The following ZNF814 variants were observed in gnomAD, a reference collection of about 807,000 sequenced individuals.
ZNF814 encodes zinc finger protein 814.
A neutral mutation model predicts 7.5 loss-of-function variants in ZNF814; 5 were observed. That is an observed-to-expected ratio of 0.67 (90% CI 0.35 to 1.40). The LOEUF is 1.40. ZNF814 is among the 40% of genes most tolerant of loss of function. The probability of loss-of-function intolerance (pLI) is 0.04; values close to 1 mark genes in which losing one functional copy is unlikely to be tolerated. For missense variants in ZNF814, 962 were observed against 1,018.0 expected (o/e 0.94, Z 0.75); for synonymous variants, 315 against 340.7 (o/e 0.92, Z 0.83).
At chr19:57,894,600 C>T in the ZNF814 span, among the ~76,000 whole-genome samples, 11 of 151,528 alleles carry the variant, frequency 7.3e-5, no homozygotes, top group South Asian at 2.1e-4. Context: ...GAGGCTGAGA[C>T]GGGCAGATCA....
rs2071545670 is a variant in ZNF814 at position 57,870,230 on chromosome 19, C to G, written c.*2592G>C. The G allele has an allele frequency of 6.6e-6, 1 of 152,050 alleles. No homozygotes were observed. Among genetic ancestry groups the G allele is most frequent in the South Asian group, 2.1e-4 (1 of 4,824 alleles). 9.4% of individuals were successfully genotyped at this position (152,050 alleles called of 1,614,324 possible). On this transcript the variant is annotated 3_prime_UTR_variant, in exon 3 of 3. Coordinates refer to ENST00000435989, the MANE Select transcript of ZNF814 (RefSeq NM_001144989.2). Reference sequence around the variant, plus strand: ...ACTCCATCCAGCCTGGGCAACAGAGCAAGACTCCGTCTCAAAATAAATAAT... The same window carrying G: ...ACTCCATCCAGCCTGGGCAACAGAGGAAGACTCCGTCTCAAAATAAATAAT...
At position 57,873,772 on chromosome 19, in the gene ZNF814, G is replaced by C; in HGVS notation, c.1618C>G (p.Gln540Glu). ...TAAAGTCTGTCCCCAGTGTGAATTT[G>C]CTGATGGTTCCTAAGATGTCCTTTT... is the stretch of plus-strand genomic sequence containing the variant. ...SSKGHLRNHQ[Q>E]IHTGDRLYEC... Residue 540 changes from glutamine to glutamate, a missense_variant, in exon 3 of 3, where the codon CAA becomes GAA. By Grantham distance (29) the Gln-to-Glu change is conservative (BLOSUM62 2). Around this residue, in one of 7 missense-constraint regions of ZNF814, gnomAD observed 665 missense variants for 551.4 expected, o/e 1.21. Transcript: ENST00000435989. The C allele has an allele frequency of 6.2e-7, 1 of 1,613,772 alleles. No homozygotes were observed. The highest frequency in any genetic ancestry group is 1.1e-5 in the South Asian group (1 of 91,034).
At position 57,872,395 on chromosome 19, in the gene ZNF814, A is replaced by G. The variant is rs2071563360; in HGVS notation, c.*427T>C. On this transcript the variant is annotated 3_prime_UTR_variant, in exon 3 of 3. Coordinates refer to ENST00000435989, the MANE Select transcript of ZNF814 (RefSeq NM_001144989.2). ...TGTTATGAAGCTAGATTTCTACATA[A>G]ATATCTCACATGTCACACTGGTAAG... The G allele has an allele frequency of 1.3e-5, 3 of 226,674 alleles. No homozygotes were observed. The highest frequency in any genetic ancestry group is 2.6e-5 in the Non-Finnish European group (3 of 115,682). 14.0% of individuals were successfully genotyped at this position (226,674 alleles called of 1,614,324 possible).
the ZNF814 span, among the ~76,000 whole-genome samples, chr19:57,903,785 T>C: frequency 6.6e-6 from 1 of 152,230 alleles, no homozygotes; most frequent in Admixed American, 6.5e-5. Context: ...AAGCCGCTTC[T>C]GGAGAGAAAG....
chr19:57,883,774 T>C (rs1234753089), intron 1 of ZNF814, among the ~76,000 whole-genome samples: 1 of 152,102 alleles, frequency 6.6e-6, no homozygotes, highest in East Asian at 1.9e-4. Context: ...ATTTTTTTTT[T>C]TGAGATGAAG....
At position 57,874,179 on chromosome 19, in the gene ZNF814, T is replaced by C. The variant is rs1399225345; in HGVS notation, c.1211A>G (p.Asp404Gly). 2 of 1,584,380 alleles carry C rather than the reference T, an allele frequency of 1.3e-6. No homozygotes were observed. The highest frequency in any genetic ancestry group is 1.7e-4 in the Middle Eastern group (1 of 6,020). Reference protein sequence around the residue: ...SFSNHQRVHTDKKHYECGECG... With the variant: ...SFSNHQRVHTGKKHYECGECG... Reference sequence around the variant, plus strand: ...TTCTCCACATTCATAATGTTTTTTGTCAGTGTGAACTCTCTGATGATTACT... The same window carrying C: ...TTCTCCACATTCATAATGTTTTTTGCCAGTGTGAACTCTCTGATGATTACT... Residue 404 changes from aspartate (D) to glycine (G), a missense_variant, in exon 3 of 3, where the codon GAC (aspartate) becomes GGC (glycine). Physicochemically the swap from Asp to Gly is moderately conservative, Grantham distance 94 (BLOSUM62 -1). Coordinates refer to ENST00000435989, the MANE Select transcript of ZNF814 (RefSeq NM_001144989.2).
chr19:57,883,530 G>A (rs2071665636), intron 1 of ZNF814, among the ~76,000 whole-genome samples: 2 of 151,426 alleles, frequency 1.3e-5, no homozygotes, highest in Non-Finnish European at 2.9e-5. Flanking sequence ...ATGTGGTAGT[G>A]CACACCTGTA....
the ZNF814 span, among the ~76,000 whole-genome samples, chr19:57,897,276 G>A: frequency 6.6e-6 from 1 of 152,128 alleles, no homozygotes; most frequent in Admixed American, 6.5e-5. Context: ...ATGGCATTGG[G>A]GGTAACTTAC....
chr19:57,888,216 G>C (rs2071709237), intron 1 of ZNF814, among the ~76,000 whole-genome samples: 1 of 152,108 alleles, frequency 6.6e-6, no homozygotes, highest in Non-Finnish European at 1.5e-5. Context: ...TTGCTATATT[G>C]ACTGACTTGG....
rs1484252208 is a variant in ZNF814 at position 57,873,802 on chromosome 19, T to G, written c.1588A>C (p.Ser530Arg). ...TGGTTCCTAAGATGTCCTTTTGAAC[T>G]AAATGATTTCCCACATTCTCCACAC... The part of the protein sequence containing the change: ...YECGECGKSF[S>R]SKGHLRNHQQ... The change falls in exon 3 of 3, where the codon AGT becomes CGT. Residue 530 changes from serine to arginine, a missense_variant. By Grantham distance (110) the Ser-to-Arg change is moderately radical (BLOSUM62 -1). Coordinates refer to ENST00000435989, the MANE Select transcript of ZNF814 (RefSeq NM_001144989.2). The G allele has an allele frequency of 6.2e-7, 1 of 1,614,136 alleles. No individual in the cohort carries two copies. Among genetic ancestry groups the G allele is most frequent in the South Asian group, 1.1e-5 (1 of 91,060 alleles).
rs2071716847 is a variant in ZNF814, at chr19:57,888,988, C to CCTAG, written c.-190_-187dup. 2 of 620,202 alleles carry CCTAG rather than the reference C, an allele frequency of 3.2e-6. No homozygotes were observed. Among genetic ancestry groups the CCTAG allele is most frequent in the Non-Finnish European group, 5.6e-6 (2 of 355,676 alleles). The allele number at this position is 620,202 out of a possible 1,614,324, so 38.4% of individuals were successfully genotyped here. A position where few individuals can be genotyped will look rare whatever the true frequency, so the allele number is the denominator to read the frequency against. On this transcript the variant is annotated 5_prime_UTR_variant, in exon 1 of 3. Coordinates refer to ENST00000435989, the MANE Select transcript of ZNF814 (RefSeq NM_001144989.2). Reference sequence around the variant, plus strand: ...CTGGGTTCAGTCACCACAGTGCGGACCTAGCGCTCAGGAGCCTCTCCTACA... The same window carrying CCTAG: ...CTGGGTTCAGTCACCACAGTGCGGACCTAGCTAGCGCTCAGGAGCCTCTCCTACA...
chr19:57,898,671 C>A, the ZNF814 span, among the ~76,000 whole-genome samples: 1 of 152,180 alleles, frequency 6.6e-6, no homozygotes, highest in African/African-American at 2.4e-5. Flanking sequence ...CAGACGGACG[C>A]GGTGGCTCAC....
At chr19:57,903,085 T>G in the ZNF814 span, among the ~76,000 whole-genome samples, 1 of 152,182 alleles carries the variant, frequency 6.6e-6, no homozygotes, top group Non-Finnish European at 1.5e-5. Context: ...TCTTGTTAAT[T>G]AGAGCCAGAG....
At chr19:57,888,248 C>A (rs2071709509) in intron 1 of ZNF814, among the ~76,000 whole-genome samples, 1 of 152,132 alleles carries the variant, frequency 6.6e-6, no homozygotes. Context: ...AGCCTCTGTG[C>A]CCATGGCCAA....
intron 1 of ZNF814, among the ~76,000 whole-genome samples, chr19:57,888,401 C>A (rs1325752070): frequency 1.3e-5 from 2 of 152,200 alleles, no homozygotes; most frequent in Non-Finnish European, 2.9e-5. Context: ...TTACAATGCT[C>A]ATGACATCCC....
chr19:57,887,994 C>T (rs1485719845), intron 1 of ZNF814, among the ~76,000 whole-genome samples: 1 of 152,122 alleles, frequency 6.6e-6, no homozygotes, highest in Non-Finnish European at 1.5e-5. Flanking sequence ...CATTTAAGCT[C>T]CCCTCCCCTT....
At chr19:57,878,166 C>CAAAAAAAAA (rs60614715) in intron 1 of ZNF814, among the ~76,000 whole-genome samples, 1 of 88,406 alleles carries the variant, frequency 1.1e-5, no homozygotes, top group African/African-American at 4.4e-5. Flanking sequence ...AACTCTGTCT[C>CAAAAAAAAA]AAAAAAAAAA....
At chr19:57,887,648 A>G (rs117269089) in intron 1 of ZNF814, among the ~76,000 whole-genome samples, 8,680 of 152,176 alleles carry the variant, frequency 0.057, 334 homozygotes, top group Middle Eastern at 0.082. Context: ...GGCCCCCTTG[A>G]TTTACAAGAC....
At chr19:57,889,886 TA>T (rs542092249), upstream of ZNF814, among the ~76,000 whole-genome samples, 143 of 152,034 alleles carry the variant, frequency 9.4e-4, no homozygotes, top group South Asian at 9.7e-3. Context: ...AAAATAAAAA[TA>T]AAAAAATAAA....
Sources: allele counts gnomAD v4.1 joint callset (sites outside exome capture counted in the v4.1 genomes callset), GRCh38; gene constraint gnomAD v4.1.1; regional missense constraint gnomAD v4.1.1; transcripts MANE v1.5; gene names NCBI Gene and HGNC (gene_info 2026-07-23, HGNC 2026-07-21).